FAAH2: variants seen among roughly 807,000 people sequenced by gnomAD.
The protein encoded by FAAH2 is fatty-acid amide hydrolase 2.
Under a neutral mutation model 36.9 loss-of-function variants are expected in FAAH2, and 60 were observed. That is an observed-to-expected ratio of 1.63 (90% CI 1.32 to 2.02). FAAH2 has a LOEUF of 2.02. FAAH2 is among the 30% of genes most tolerant of loss of function. FAAH2 has a pLI of 0.00. For synonymous variants in FAAH2, 214 were observed against 143.8 expected, an observed-to-expected ratio of 1.49 and a Z score of -3.49; for missense variants, 689 against 397.5, an observed-to-expected ratio of 1.73 and a Z score of -6.23.
At chrX:57,154,392 T>G in the FAAH2 span, among the ~76,000 whole-genome samples, 26 of 107,132 alleles carry the variant, frequency 2.4e-4, no homozygotes, top group East Asian at 7.6e-3. Context: ...GCCTCCTGAG[T>G]AGCTGGGACT....
At chrX:57,289,754 T>C (rs1309612066) in intron 1 of FAAH2, among the ~76,000 whole-genome samples, 1 of 111,396 alleles carries the variant, frequency 9.0e-6, no homozygotes, top group Non-Finnish European at 1.9e-5. Context: ...TTCTGAATTA[T>C]GTTACGTGGT....
the FAAH2 span, among the ~76,000 whole-genome samples, chrX:57,237,575 T>C: frequency 9.0e-6 from 1 of 110,959 alleles, no homozygotes; most frequent in Non-Finnish European, 1.9e-5. Flanking sequence ...CTCTCTATCA[T>C]GACAAAGAGA....
intron 6 of FAAH2, among the ~76,000 whole-genome samples, chrX:57,379,670 T>C (rs2054787510): frequency 9.1e-6 from 1 of 110,362 alleles, no homozygotes; most frequent in South Asian, 3.9e-4. Context: ...GCCACTACTC[T>C]ATGCCGCTTT....
chrX:57,411,051 C>T (rs1232034699), intron 7 of FAAH2, among the ~76,000 whole-genome samples: 1 of 111,765 alleles, frequency 8.9e-6, no homozygotes, highest in Non-Finnish European at 1.9e-5. Flanking sequence ...AAGCAGTTAT[C>T]TTCTCTACTG....
At chrX:57,329,515 C>T (rs1257684063) in intron 3 of FAAH2, among the ~76,000 whole-genome samples, 1 of 109,670 alleles carries the variant, frequency 9.1e-6, no homozygotes, top group Non-Finnish European at 1.9e-5. Context: ...AATGATCTGA[C>T]AACAATGGTG....
At chrX:57,275,787 AAC>A in the FAAH2 span, among the ~76,000 whole-genome samples, 1 of 111,896 alleles carries the variant, frequency 8.9e-6, no homozygotes, top group Non-Finnish European at 1.9e-5. Flanking sequence ...TCTCTGATAA[AAC>A]AGACTTTAAA....
intron 2 of FAAH2, among the ~76,000 whole-genome samples, chrX:57,300,808 A>G (rs936225205): frequency 8.9e-6 from 1 of 112,342 alleles, no homozygotes; most frequent in Non-Finnish European, 1.9e-5. Flanking sequence ...AAGGATGTGA[A>G]CAGACACTTC....
At chrX:57,419,410 C>A (rs1027070101) in intron 7 of FAAH2, among the ~76,000 whole-genome samples, 3 of 111,752 alleles carry the variant, frequency 2.7e-5, no homozygotes, top group African/African-American at 9.8e-5. Flanking sequence ...GATTGCCATT[C>A]TAAGTGGTGT....
At position 57,454,713 on chromosome X, in the gene FAAH2, G is replaced by A. The variant is rs149783549; in HGVS notation, c.1423+5995G>A. 3.2e-3 allele frequency among the ~76,000 whole-genome samples: 352 copies of A among 111,579 alleles called. 3 individuals carry two copies. Among genetic ancestry groups the A allele is most frequent in the African/African-American group, 0.011 (335 of 30,772 alleles). Reference sequence around the variant, plus strand: ...AGATGAAGAAAGAATCTCTGAGCTGGAAGACCAGCTTATACAATCAACTCA... The same window carrying A: ...AGATGAAGAAAGAATCTCTGAGCTGAAAGACCAGCTTATACAATCAACTCA... On this transcript the variant is annotated intron_variant, in intron 10 of 10. Transcript: ENST00000374900.
chrX:57,292,210 A>T (rs748691756), intron 1 of FAAH2, among the ~76,000 whole-genome samples: 1 of 111,500 alleles, frequency 9.0e-6, no homozygotes, highest in African/African-American at 3.3e-5. Flanking sequence ...TATATACATA[A>T]TATCTCTGAA....
chrX:57,379,667 C>T (rs2054787319), intron 6 of FAAH2, among the ~76,000 whole-genome samples: 1 of 110,245 alleles, frequency 9.1e-6, no homozygotes, highest in East Asian at 2.9e-4. Context: ...TAAGCCACTA[C>T]TCTATGCCGC....
rs922585123 is a variant in FAAH2, at chrX:57,361,728, C to T, written c.743-16923C>T. Among the ~76,000 whole-genome samples the T allele has an allele frequency of 1.2e-4, 13 of 111,126 alleles. No homozygotes were observed. The Admixed American group carries it at 1.2e-3, about 11-fold the overall frequency. ...TATGTGTTCTCTCTTGGAGAATGTCCATGAAATGATGAGAAGGTTGTGTAT... is the reference window on the plus strand; with the variant it reads ...TATGTGTTCTCTCTTGGAGAATGTCTATGAAATGATGAGAAGGTTGTGTAT... On this transcript the variant is annotated intron_variant, in intron 5 of 10. Transcript: ENST00000374900.
At chrX:57,196,621 G>A in the FAAH2 span, among the ~76,000 whole-genome samples, 8,266 of 111,431 alleles carry the variant, frequency 0.074, 772 homozygotes, top group African/African-American at 0.26. Context: ...GGTGAAAGTG[G>A]ACATTCCTGT....
rs756914652 is a variant in FAAH2 at position 57,448,610 on chromosome X, C to A, written c.1315C>A (p.Leu439Met). ...AGTGGAAGAAAGCCTGCGTAAAGAG[C>A]TGGTGGATATGCTAGGTGATGATGG... is the stretch of plus-strand genomic sequence containing the variant. ...KAVEESLRKE[L>M]VDMLGDDGVF... is the part of the protein sequence containing the mutation. Residue 439 changes from leucine (L) to methionine (M), a missense_variant, in exon 10 of 11, where the codon CTG becomes ATG. Leu to Met is a conservative substitution (Grantham distance 15). Coordinates refer to ENST00000374900, the MANE Select transcript of FAAH2 (RefSeq NM_174912.4). 3.3e-6 allele frequency: 4 copies of A among 1,211,317 alleles called. No individual in the cohort carries two copies. The highest frequency in any genetic ancestry group is 4.5e-6 in the Non-Finnish European group (4 of 895,197).
rs768521272 is a variant in FAAH2, at chrX:57,467,827, G to A, written c.1423+19109G>A. Among the ~76,000 whole-genome samples, 657 of 111,990 alleles carry A rather than the reference G, an allele frequency of 5.9e-3. 2 individuals are homozygous for A. The highest frequency in any genetic ancestry group is 9.2e-3 in the Non-Finnish European group (488 of 53,111). ...CAAGTGGGTCCCTGACCTCCAAGTAGCCTAACTGAGAGACACCCCCCAGTA... is the reference window on the plus strand; with the variant it reads ...CAAGTGGGTCCCTGACCTCCAAGTAACCTAACTGAGAGACACCCCCCAGTA... On this transcript the variant is annotated intron_variant, in intron 10 of 10. Coordinates refer to ENST00000374900, the MANE Select transcript of FAAH2 (RefSeq NM_174912.4).
intron 10 of FAAH2, among the ~76,000 whole-genome samples, chrX:57,470,639 T>C (rs2057147500): frequency 9.0e-6 from 1 of 111,211 alleles, no homozygotes; most frequent in African/African-American, 3.3e-5. Flanking sequence ...CAGGAGCAGA[T>C]GGACTCGCAG....
intron 10 of FAAH2, among the ~76,000 whole-genome samples, chrX:57,462,230 C>A (rs1405161198): frequency 9.7e-6 from 1 of 102,792 alleles, no homozygotes; most frequent in Non-Finnish European, 2.0e-5. Flanking sequence ...ACCAGAGGTA[C>A]AAAGAGCAGT....
chrX:57,386,924 A>T (rs1407299300), intron 7 of FAAH2, among the ~76,000 whole-genome samples: 2 of 112,136 alleles, frequency 1.8e-5, no homozygotes, highest in Non-Finnish European at 3.8e-5. Context: ...TCACATGCTA[A>T]AAAAGAGACA....
chrX:57,268,989 G>A, the FAAH2 span, among the ~76,000 whole-genome samples: 4 of 111,350 alleles, frequency 3.6e-5, no homozygotes, highest in South Asian at 1.5e-3. Context: ...GTCTTCAAGA[G>A]CCCTATCTCA....
Sources: gnomAD v4.1 joint callset for allele counts (sites outside exome capture counted in the v4.1 genomes callset) on GRCh38, gnomAD v4.1.1 for gene constraint, MANE v1.5 for transcripts, NCBI Gene and HGNC (gene_info 2026-07-23, HGNC 2026-07-21) for gene names.